The following BACE2 variants were observed in gnomAD, a reference collection of about 807,000 sequenced individuals.
The protein encoded by BACE2 is 56 kDa aspartic-like protease.
In BACE2, 17 loss-of-function variants were observed where a neutral mutation model predicts 46.2. The ratio of observed to expected loss-of-function variants is 0.37; its 90% confidence interval spans 0.25 to 0.55. The LOEUF is 0.55. BACE2 is among the 20% of genes least tolerant of loss of function. The pLI, the probability that BACE2 is intolerant of heterozygous loss-of-function variation, is 0.82. For synonymous variants in BACE2, 277 were observed against 295.9 expected (o/e 0.94, Z 0.66); for missense variants, 595 against 698.1 (o/e 0.85, Z 1.66).
chr21:41,205,187 A>G (rs1174469135), intron 1 of BACE2, among the ~76,000 whole-genome samples: 2 of 152,234 alleles, frequency 1.3e-5, no homozygotes, highest in African/African-American at 4.8e-5. Flanking sequence ...AGCATTCCAC[A>G]TTCAGGTGAG....
chr21:41,246,099 C>T (rs780757908), intron 6 of BACE2, 36 bp downstream of exon 6: 1 of 1,534,950 alleles, frequency 6.5e-7, no homozygotes, highest in Non-Finnish European at 8.9e-7. Context: ...CCCCGAGTTG[C>T]TGAGTTACAG....
intron 1 of BACE2, 111 bp from the exon 2 acceptor site, chr21:41,226,155 C>T (rs1986811285): frequency 1.9e-5 from 15 of 796,402 alleles, no homozygotes; most frequent in South Asian, 9.0e-5. Context: ...TTTTTTGTTC[C>T]AACTGATAAA....
Position 41,282,366 on chromosome 21 carries a change from G to A in BACE2, c.*6742G>A, listed in dbSNP as rs1306087999. On this transcript the variant is annotated 3_prime_UTR_variant, in exon 9 of 9. Coordinates refer to ENST00000330333, the MANE Select transcript of BACE2 (RefSeq NM_012105.5). Reference sequence around the variant, plus strand: ...GGATATTCATTCCATGTTAAAAGTGGCTTCATAGCTACTGACAAATGTCTG... The same window carrying A: ...GGATATTCATTCCATGTTAAAAGTGACTTCATAGCTACTGACAAATGTCTG... 1 of 152,148 alleles carries A rather than the reference G, an allele frequency of 6.6e-6. No homozygotes were observed. The highest frequency in any genetic ancestry group is 1.5e-5 in the Non-Finnish European group (1 of 68,026). The allele number at this position is 152,148 out of a possible 1,614,324, so 9.4% of individuals were successfully genotyped here.
At chr21:41,186,920 G>A (rs1985397748) in intron 1 of BACE2, 1 of 152,460 alleles carries the variant, frequency 6.6e-6, no homozygotes, top group Non-Finnish European at 1.5e-5. Flanking sequence ...CATGGAAAGG[G>A]GTGGTAACTT....
intron 1 of BACE2, among the ~76,000 whole-genome samples, chr21:41,218,075 T>C (rs1359813413): frequency 6.6e-6 from 1 of 152,220 alleles, no homozygotes; most frequent in South Asian, 2.1e-4. Flanking sequence ...AAGAAATTAA[T>C]GTAAAAAGTG....
intron 1 of BACE2, among the ~76,000 whole-genome samples, chr21:41,217,267 A>C (rs1243016496): frequency 6.6e-6 from 1 of 152,216 alleles, no homozygotes; most frequent in Non-Finnish European, 1.5e-5. Flanking sequence ...TTCAATGGCC[A>C]AGAAAACGTA....
chr21:41,223,350 T>C (rs1363239233), intron 1 of BACE2, among the ~76,000 whole-genome samples: 1 of 141,432 alleles, frequency 7.1e-6, no homozygotes, highest in Non-Finnish European at 1.5e-5. Context: ...AGTGAGACAC[T>C]GTCAAAAAAA....
Position 41,168,333 on chromosome 21 carries a change from C to T in BACE2, c.70C>T (p.Leu24=). The change falls in exon 1 of 9, where the codon CTG becomes TTG. Residue 24 remains leucine (L), a synonymous_variant. Transcript: ENST00000330333. ...AQWLLRAAPE[L]APAPFTLPLR... is the part of the protein sequence containing the mutation. ...GTGGCTCCTGCGCGCCGCCCCGGAGCTGGCCCCCGCGCCCTTCACGCTGCC... is the reference window on the plus strand; with the variant it reads ...GTGGCTCCTGCGCGCCGCCCCGGAGTTGGCCCCCGCGCCCTTCACGCTGCC... The T allele has an allele frequency of 7.4e-7, 1 of 1,357,908 alleles. No individual in the cohort carries two copies. Among genetic ancestry groups the T allele is most frequent in the Non-Finnish European group, 9.5e-7 (1 of 1,053,130 alleles). The allele number at this position is 1,357,908 out of a possible 1,614,324, so 84.1% of individuals were successfully genotyped here. A position where few individuals can be genotyped will look rare whatever the true frequency, so the allele number is the denominator to read the frequency against.
At chr21:41,192,002 G>A (rs936134173) in intron 1 of BACE2, among the ~76,000 whole-genome samples, 7 of 152,106 alleles carry the variant, frequency 4.6e-5, no homozygotes, top group Admixed American at 3.3e-4. Flanking sequence ...CATTGGCTAC[G>A]GCCCATGAAT....
chr21:41,257,482 A>G (rs1240459047), intron 8 of BACE2, among the ~76,000 whole-genome samples, 156 bp downstream of exon 8: 2 of 152,206 alleles, frequency 1.3e-5, no homozygotes, highest in Non-Finnish European at 2.9e-5. Context: ...AAAATGGGTC[A>G]TGGGGTTGCT....
intron 1 of BACE2, among the ~76,000 whole-genome samples, chr21:41,190,099 C>T (rs9984990): frequency 0.22 from 32,805 of 152,066 alleles, 5,024 homozygotes; most frequent in African/African-American, 0.44. Flanking sequence ...CTGCCTCAAA[C>T]GTTAATCTCT....
intron 8 of BACE2, among the ~76,000 whole-genome samples, chr21:41,273,721 TTAAAG>T (rs1281878619): frequency 6.6e-6 from 1 of 152,182 alleles, no homozygotes; most frequent in Non-Finnish European, 1.5e-5. Context: ...GATTAAGAGA[TTAAAG>T]TAAAGACAGC....
intron 1 of BACE2, among the ~76,000 whole-genome samples, chr21:41,191,985 G>A (rs1361713026): frequency 6.6e-6 from 1 of 151,484 alleles, no homozygotes; most frequent in Non-Finnish European, 1.5e-5. Context: ...TGATGATCCA[G>A]CCAAACCATT....
chr21:41,192,338 AACTT>A (rs1985601879), intron 1 of BACE2, among the ~76,000 whole-genome samples: 1 of 152,198 alleles, frequency 6.6e-6, no homozygotes, highest in Admixed American at 6.5e-5. Flanking sequence ...TTCCTCATGT[AACTT>A]ACTTGTGCCT....
chr21:41,218,675 C>T (rs1001672832), intron 1 of BACE2, among the ~76,000 whole-genome samples: 3 of 152,124 alleles, frequency 2.0e-5, no homozygotes, highest in African/African-American at 7.2e-5. Flanking sequence ...ACCACCTCAT[C>T]TTCCTTAATG....
chr21:41,200,633 A>T (rs1219622266), intron 1 of BACE2, among the ~76,000 whole-genome samples: 1 of 152,170 alleles, frequency 6.6e-6, no homozygotes, highest in Non-Finnish European at 1.5e-5. Context: ...CTATCTTTGG[A>T]GATGGGGCCT....
intron 8 of BACE2, among the ~76,000 whole-genome samples, chr21:41,260,980 A>AT (rs1430609002): frequency 1.3e-5 from 2 of 151,910 alleles, no homozygotes; most frequent in African/African-American, 4.8e-5. Context: ...CATTTTATAG[A>AT]TTTTCCATAT....
In BACE2 at chr21:41,281,372, G is replaced by T. The variant is rs1488225934; in HGVS notation, c.*5748G>T. On this transcript the variant is annotated 3_prime_UTR_variant, in exon 9 of 9. Coordinates refer to ENST00000330333, the MANE Select transcript of BACE2 (RefSeq NM_012105.5). ...AGGCTAGAAACCTTGGGTGTCCTTG[G>T]CAACCTAGCCTTTGACATTGATGTT... 6.6e-6 allele frequency: 1 copy of T among 152,188 alleles called. No individual in the cohort carries two copies. The highest frequency in any genetic ancestry group is 2.4e-5 in the African/African-American group (1 of 41,438). The allele number at this position is 152,188 out of a possible 1,614,324, so 9.4% of individuals were successfully genotyped here.
chr21:41,178,993 G>C, intron 1 of BACE2: 1 of 841,450 alleles, frequency 1.2e-6, no homozygotes, highest in Non-Finnish European at 1.6e-6. Context: ...AGATGAGATT[G>C]GCTTGAGGAG....
Sources: allele counts gnomAD v4.1 joint callset (sites outside exome capture counted in the v4.1 genomes callset), GRCh38; gene constraint gnomAD v4.1.1; transcripts MANE v1.5; gene names NCBI Gene and HGNC (gene_info 2026-07-23, HGNC 2026-07-21).